ETV4: variants seen among roughly 807,000 people sequenced by gnomAD.
The protein encoded by ETV4 is ETS variant transcription factor 4.
Under a neutral mutation model 65.9 loss-of-function variants are expected in ETV4, and 42 were observed. The observed-to-expected ratio is 0.64, with a 90% CI of 0.50 to 0.82. The LOEUF is 0.82. Ranked by LOEUF, ETV4 falls within the 40% of genes least tolerant of loss-of-function variation. ETV4 has a pLI of 0.00. For synonymous variants in ETV4, 238 were observed against 260.0 expected (o/e 0.92, Z 0.81); for missense variants, 583 against 630.3 (o/e 0.92, Z 0.80).
intron 4 of ETV4, among the ~76,000 whole-genome samples, chr17:43,542,098 A>AT (rs1971553584): frequency 6.6e-6 from 1 of 152,146 alleles, no homozygotes; most frequent in African/African-American, 2.4e-5. Context: ...GGACAGCCAA[A>AT]GGGCAAAGGG....
chr17:43,546,006 C>T (rs559292033), intron 1 of ETV4, 179 bp downstream of exon 1: 139 of 249,714 alleles, frequency 5.6e-4, no homozygotes, highest in South Asian at 8.7e-4. Flanking sequence ...GAGGAGCAGG[C>T]GAAGCGCACA....
At position 43,530,185 on chromosome 17, in the gene ETV4, T is replaced by C. The variant is rs754808570; in HGVS notation, c.812-4A>G. On this transcript the variant is annotated splice_region_variant and splice_polypyrimidine_tract_variant and intron_variant, in intron 8 of 12. Transcript: ENST00000319349. ...ATTGATGCGCACCCGGTGACATCTG[T>C]GGGGGAAGAAGGGGTGATGTGAGAA... 189 of 1,553,794 alleles carry C rather than the reference T, an allele frequency of 1.2e-4. No individual in the cohort carries two copies. The highest frequency in any genetic ancestry group is 6.6e-4 in the Middle Eastern group (4 of 6,022).
intron 8 of ETV4, among the ~76,000 whole-genome samples, chr17:43,531,968 T>C (rs28581728): frequency 0.23 from 34,334 of 152,162 alleles, 4,127 homozygotes; most frequent in East Asian, 0.32. Flanking sequence ...ATGCCTTAAC[T>C]TCCCTATTAA....
At chr17:43,541,247 A>T (rs887341455) in intron 4 of ETV4, among the ~76,000 whole-genome samples, 1 of 152,220 alleles carries the variant, frequency 6.6e-6, no homozygotes, top group African/African-American at 2.4e-5. Context: ...TCAACAGGAT[A>T]GAAACAGGAA....
intron 8 of ETV4, among the ~76,000 whole-genome samples, chr17:43,531,398 G>A (rs1198744058): frequency 6.6e-6 from 1 of 152,138 alleles, no homozygotes; most frequent in African/African-American, 2.4e-5. Flanking sequence ...CAGCCAGGTG[G>A]AACTAGAATT....
chr17:43,531,531 C>G (rs541855718), intron 8 of ETV4, among the ~76,000 whole-genome samples: 1 of 152,278 alleles, frequency 6.6e-6, no homozygotes, highest in Admixed American at 6.5e-5. Flanking sequence ...TGGTGAAACC[C>G]CGTCTCTACT....
At chr17:43,530,017 G>T in intron 9 of ETV4, 65 bp from the exon 10 acceptor site, 1 of 1,608,418 alleles carries the variant, frequency 6.2e-7, no homozygotes, top group Non-Finnish European at 8.5e-7. Flanking sequence ...AGAGAGTCCA[G>T]AGGGACTCCT....
chr17:43,536,577 A>G (rs1971253807), intron 4 of ETV4, 98 bp from the exon 5 acceptor site: 2 of 1,005,288 alleles, frequency 2.0e-6, no homozygotes, highest in Non-Finnish European at 3.1e-6. Context: ...CAGCCAAGAA[A>G]GGACCAACAG....
intron 2 of ETV4, 41 bp from the exon 3 acceptor site, chr17:43,545,408 C>A: frequency 1.3e-6 from 2 of 1,516,396 alleles, no homozygotes; most frequent in South Asian, 1.2e-5. Flanking sequence ...CACCCTGAGG[C>A]GCTTAGTCTG....
chr17:43,529,627 G>A lies in ETV4; in HGVS notation c.1005C>T (p.Tyr335=), dbSNP rs373939840. The stretch of plus-strand genomic sequence containing the variant: ...ACAGCTGCAGGGCACCCCGGCGCTG[G>A]TAGGGCGGCCCCTCTCGAAATGCAC... ...GVGAFREGPP[Y]QRRGALQLWQ... The change falls in exon 11 of 13, where the codon TAC becomes TAT. Residue 335 remains tyrosine (Y), a synonymous_variant. Coordinates refer to ENST00000319349, the MANE Select transcript of ETV4 (RefSeq NM_001079675.5). The A allele has an allele frequency of 9.9e-6, 16 of 1,614,074 alleles. No homozygotes were observed. The highest frequency in any genetic ancestry group is 1.7e-4 in the Middle Eastern group (1 of 6,058).
chr17:43,545,078 G>C lies in ETV4; in HGVS notation c.155-56C>G, dbSNP rs531855059. On this transcript the variant is annotated intron_variant, in intron 3 of 12. Coordinates refer to ENST00000319349, the MANE Select transcript of ETV4 (RefSeq NM_001079675.5). ...GGTGGAGGGGACGGTAAGAGAGAAG[G>C]GGCCCTAGCAAGACCCGGTGACTCC... 6 of 1,573,896 alleles carry C rather than the reference G, an allele frequency of 3.8e-6. No homozygotes were observed. In the South Asian group the frequency reaches 4.4e-5, roughly 12 times the overall value.
At chr17:43,530,296 G>T in intron 8 of ETV4, 115 bp from the exon 9 acceptor site, 2 of 1,508,896 alleles carry the variant, frequency 1.3e-6, no homozygotes, top group South Asian at 2.6e-5. Flanking sequence ...GCTTCCTGGT[G>T]ACTGTTCTTT....
chr17:43,545,054 G>T, intron 3 of ETV4, 32 bp from the exon 4 acceptor site: 1 of 1,608,788 alleles, frequency 6.2e-7, no homozygotes. Flanking sequence ...TGGAGGTGAG[G>T]TGGAGGGGAC....
intron 4 of ETV4, among the ~76,000 whole-genome samples, chr17:43,542,709 CAACCACACTGG>C (rs1306247847): frequency 1.3e-5 from 2 of 152,186 alleles, no homozygotes; most frequent in African/African-American, 2.4e-5. Context: ...ACTGAACCTG[CAACCACACTGG>C]AATCTTCCTG....
intron 5 of ETV4, among the ~76,000 whole-genome samples, chr17:43,535,696 C>G (rs982097285): frequency 6.6e-6 from 1 of 152,214 alleles, no homozygotes; most frequent in African/African-American, 2.4e-5. Flanking sequence ...TCCCTGGCCT[C>G]TCTATCCACT....
Position 43,529,900 on chromosome 17 carries a change from G to A in ETV4, c.939C>T (p.Val313=), listed in dbSNP as rs1567706691. The A allele has an allele frequency of 1.9e-6, 3 of 1,614,124 alleles. No homozygotes were observed. Among genetic ancestry groups the A allele is most frequent in the Non-Finnish European group, 2.5e-6 (3 of 1,180,024 alleles). The stretch of plus-strand genomic sequence containing the variant: ...TTCTCTGACCTTCAAATTTCTCAGG[G>A]ACAACGCAGACATCATCTGGGAATG... ...LRPFPDDVCV[V]PEKFEGDIKQ... The change falls in exon 10 of 13, where the codon GTC becomes GTT. Residue 313 remains valine, a synonymous_variant. Transcript: ENST00000319349.
At chr17:43,537,406 G>T (rs115696102) in intron 4 of ETV4, among the ~76,000 whole-genome samples, 2,385 of 151,852 alleles carry the variant, frequency 0.016, 64 homozygotes, top group African/African-American at 0.053. Context: ...AATCACATAG[G>T]GGGGTGGCTG....
chr17:43,534,475 C>T (rs980405514), intron 5 of ETV4, among the ~76,000 whole-genome samples: 1 of 152,034 alleles, frequency 6.6e-6, no homozygotes, highest in Non-Finnish European at 1.5e-5. Flanking sequence ...GCCTGGGTGA[C>T]AGAGCGAGAC....
intron 5 of ETV4, 110 bp downstream of exon 5, chr17:43,536,316 C>T: frequency 1.0e-6 from 1 of 957,080 alleles, no homozygotes; most frequent in Non-Finnish European, 1.6e-6. Flanking sequence ...AGATCAAACC[C>T]CACTGTGTTT....
Sources: allele counts gnomAD v4.1 joint callset (sites outside exome capture counted in the v4.1 genomes callset), GRCh38; gene constraint gnomAD v4.1.1; transcripts MANE v1.5; gene names NCBI Gene and HGNC (gene_info 2026-07-23, HGNC 2026-07-21).